Variants in ARFGEF2 observed in about 807,000 individuals in gnomAD.
The protein encoded by ARFGEF2 is ARF guanine nucleotide exchange factor 2.
In ARFGEF2, 74 loss-of-function variants were observed where a neutral mutation model predicts 219.9. That is an observed-to-expected ratio of 0.34 (90% CI 0.28 to 0.41). The LOEUF is 0.41. ARFGEF2 is among the 10% of genes least tolerant of loss of function. The pLI is 1.00. For missense variants in ARFGEF2, 1,743 were observed against 2,218.3 expected, an observed-to-expected ratio of 0.79 and a Z score of 4.30; for synonymous variants, 733 against 799.2, an observed-to-expected ratio of 0.92 and a Z score of 1.40.
At position 48,988,585 on chromosome 20, in the gene ARFGEF2, A is replaced by C; in HGVS notation, c.2456A>C (p.Tyr819Ser). Reference protein sequence around the residue: ...DLPEEYLSSIYEEIEGKKIAM... With the variant: ...DLPEEYLSSISEEIEGKKIAM... Reference sequence around the variant, plus strand: ...CCAGAAGAGTATCTCTCAAGCATCTATGAAGAGATAGAAGGCAAGAAAATT... The same window carrying C: ...CCAGAAGAGTATCTCTCAAGCATCTCTGAAGAGATAGAAGGCAAGAAAATT... Residue 819 changes from tyrosine (Y) to serine (S), a missense_variant, in exon 18 of 39, where the codon TAT (tyrosine) becomes TCT (serine). Tyr to Ser is a moderately radical substitution (Grantham distance 144, BLOSUM62 -2). This residue lies in a region of ARFGEF2 where 666 missense variants were observed against 955.4 expected (regional missense o/e 0.70). Transcript: ENST00000371917. 1 of 1,613,656 alleles carries C rather than the reference A, an allele frequency of 6.2e-7. No individual in the cohort carries two copies. The highest frequency in any genetic ancestry group is 8.5e-7 in the Non-Finnish European group (1 of 1,179,658).
chr20:48,981,630 G>C (rs2091296394), intron 14 of ARFGEF2, among the ~76,000 whole-genome samples: 1 of 152,202 alleles, frequency 6.6e-6, no homozygotes, highest in African/African-American at 2.4e-5. Context: ...ATCAAACGTA[G>C]ATTTGGTCTT....
chr20:48,997,884 G>A (rs1003543403), intron 23 of ARFGEF2, among the ~76,000 whole-genome samples: 1 of 152,148 alleles, frequency 6.6e-6, no homozygotes, highest in Admixed American at 6.5e-5. Flanking sequence ...TTGAGACAGA[G>A]TCTGTCTGTG....
At chr20:49,009,298 G>A (rs2091481859) in intron 26 of ARFGEF2, among the ~76,000 whole-genome samples, 1 of 152,038 alleles carries the variant, frequency 6.6e-6, no homozygotes, top group Non-Finnish European at 1.5e-5. Flanking sequence ...GGCCTTTCCT[G>A]TTATTGGTTA....
At chr20:49,019,835 T>C (rs2091554896) in intron 34 of ARFGEF2, among the ~76,000 whole-genome samples, 1 of 152,232 alleles carries the variant, frequency 6.6e-6, no homozygotes, top group South Asian at 2.1e-4. Flanking sequence ...TGTTGGCCCC[T>C]TTTTTATTGG....
chr20:49,031,898 G>A lies in ARFGEF2; in HGVS notation c.5064-151G>A, dbSNP rs541332271. 215 of 687,710 alleles carry A rather than the reference G, an allele frequency of 3.1e-4. 2 individuals are homozygous for A. In the African/African-American group the frequency reaches 3.4e-3, roughly 11 times the overall value. 42.6% of individuals were successfully genotyped at this position (687,710 alleles called of 1,614,324 possible). ...ACACCACTGCACTCCAGCCTGGGCCGCAGAGCAAGACCCTGTCTCAAAAAA... is the reference window on the plus strand; with the variant it reads ...ACACCACTGCACTCCAGCCTGGGCCACAGAGCAAGACCCTGTCTCAAAAAA... On this transcript the variant is annotated intron_variant, in intron 37 of 38. Transcript: ENST00000371917.
intron 6 of ARFGEF2, among the ~76,000 whole-genome samples, chr20:48,954,575 A>G (rs1234813592): frequency 6.6e-6 from 1 of 152,190 alleles, no homozygotes; most frequent in Non-Finnish European, 1.5e-5. Flanking sequence ...CTTCAGCCAC[A>G]TTACTGATAA....
In ARFGEF2 at chr20:48,969,286, A is replaced by G; in HGVS notation, c.1190+9A>G. Reference sequence around the variant, plus strand: ...GGCCCTCCAGACCCAAAGTAAGCAGACAGCAGTTCTTGGCCACCTTCAGTC... The same window carrying G: ...GGCCCTCCAGACCCAAAGTAAGCAGGCAGCAGTTCTTGGCCACCTTCAGTC... On this transcript the variant is annotated intron_variant, in intron 9 of 38. Coordinates refer to ENST00000371917, the MANE Select transcript of ARFGEF2 (RefSeq NM_006420.3). The G allele has an allele frequency of 6.2e-7, 1 of 1,614,196 alleles. No homozygotes were observed. Among genetic ancestry groups the G allele is most frequent in the Non-Finnish European group, 8.5e-7 (1 of 1,180,006 alleles).
chr20:48,922,031 C>G (rs1208508407), intron 1 of ARFGEF2, 21 bp downstream of exon 1: 4 of 1,568,152 alleles, frequency 2.6e-6, no homozygotes, highest in African/African-American at 2.7e-5. Flanking sequence ...CGCTCCCGCC[C>G]TGCCCCGCGC....
intron 27 of ARFGEF2, 131 bp from the exon 28 acceptor site, chr20:49,011,793 G>T: frequency 8.9e-7 from 1 of 1,126,338 alleles, no homozygotes; most frequent in South Asian, 1.2e-5. Context: ...ATACTGACAT[G>T]CTTTTCTTAG....
intron 14 of ARFGEF2, among the ~76,000 whole-genome samples, chr20:48,981,307 C>T (rs543598239): frequency 5.5e-4 from 84 of 152,284 alleles, no homozygotes; most frequent in Admixed American, 3.4e-3. Flanking sequence ...TGAATATTGG[C>T]CCTCACTCTC....
chr20:48,972,785 T>C (rs1360015559), intron 11 of ARFGEF2, among the ~76,000 whole-genome samples: 1 of 152,242 alleles, frequency 6.6e-6, no homozygotes, highest in African/African-American at 2.4e-5. Flanking sequence ...TACCTTACAC[T>C]ATACAATTGT....
At chr20:49,026,256 AGGAGGT>A (rs2091601711) in intron 36 of ARFGEF2, among the ~76,000 whole-genome samples, 1 of 151,864 alleles carries the variant, frequency 6.6e-6, no homozygotes, top group Non-Finnish European at 1.5e-5. Context: ...ACTTGAGCCT[AGGAGGT>A]GGAGGTTGCA....
At chr20:48,946,508 AT>A (rs1221435138) in intron 3 of ARFGEF2, among the ~76,000 whole-genome samples, 1 of 148,968 alleles carries the variant, frequency 6.7e-6, no homozygotes, top group Non-Finnish European at 1.5e-5. Flanking sequence ...TTTATTTTTT[AT>A]TTTTTTAGAG....
intron 14 of ARFGEF2, among the ~76,000 whole-genome samples, chr20:48,979,434 C>A (rs2091282425): frequency 6.6e-6 from 1 of 152,082 alleles, no homozygotes; most frequent in Admixed American, 6.6e-5. Flanking sequence ...GTCTAAAATT[C>A]TCTTTTTTTA....
Position 48,937,805 on chromosome 20 carries a change from C to T in ARFGEF2, c.122-3394C>T, listed in dbSNP as rs546014018. ...AGTCCTGTCAACGCTTGCTCATTCCCATTCCAAAACCAGGTTTTACCTTTG... is the reference window on the plus strand; with the variant it reads ...AGTCCTGTCAACGCTTGCTCATTCCTATTCCAAAACCAGGTTTTACCTTTG... On this transcript the variant is annotated intron_variant, in intron 1 of 38. Transcript: ENST00000371917. 1.6e-4 allele frequency among the ~76,000 whole-genome samples: 25 copies of T among 152,328 alleles called. No homozygotes were observed. In the South Asian group the frequency reaches 5.0e-3, roughly 30 times the overall value.
chr20:48,980,967 T>A lies in ARFGEF2; in HGVS notation c.1959-3762T>A, dbSNP rs150776245. ...AGTCTGTGTCTTTTAATTGGGGCATTTATCCCCATTACATTTCAAGTTAAT... is the reference window on the plus strand; with the variant it reads ...AGTCTGTGTCTTTTAATTGGGGCATATATCCCCATTACATTTCAAGTTAAT... On this transcript the variant is annotated intron_variant, in intron 14 of 38. Transcript: ENST00000371917. Among the ~76,000 whole-genome samples, 840 of 152,328 alleles carry A rather than the reference T, an allele frequency of 5.5e-3. 17 individuals carry two copies. The highest frequency in any genetic ancestry group is 0.051 in the East Asian group (265 of 5,182).
chr20:48,995,676 C>G, intron 22 of ARFGEF2, 107 bp from the exon 23 acceptor site: 1 of 986,550 alleles, frequency 1.0e-6, no homozygotes, highest in Admixed American at 1.8e-5. Context: ...CTTGCAGAGT[C>G]ATTCCCATTT....
intron 23 of ARFGEF2, among the ~76,000 whole-genome samples, chr20:48,996,122 G>C (rs530768953): frequency 1.3e-5 from 2 of 152,204 alleles, no homozygotes; most frequent in South Asian, 4.1e-4. Context: ...AAATTACCTT[G>C]TTTCCTTAGT....
chr20:49,036,493 C>A lies in ARFGEF2; in HGVS notation c.*3294C>A, dbSNP rs2091666733. 2.8e-6 allele frequency: 1 copy of A among 356,888 alleles called. No homozygotes were observed. Among genetic ancestry groups the A allele is most frequent in the South Asian group, 1.5e-4 (1 of 6,668 alleles). The allele number at this position is 356,888 out of a possible 1,614,324, so 22.1% of individuals were successfully genotyped here. A position where few individuals can be genotyped will look rare whatever the true frequency, so the allele number is the denominator to read the frequency against. ...TAGTTACTTTGGTTTAACCTATACA[C>A]AATGATTAAGTGCATTTAATATTGG... On this transcript the variant is annotated 3_prime_UTR_variant, in exon 39 of 39. Transcript: ENST00000371917.
Sources: allele counts gnomAD v4.1 joint callset (sites outside exome capture counted in the v4.1 genomes callset), GRCh38; gene constraint gnomAD v4.1.1; regional missense constraint gnomAD v4.1.1; transcripts MANE v1.5; gene names NCBI Gene and HGNC (gene_info 2026-07-23, HGNC 2026-07-21).